The following MYH10 variants were observed in gnomAD, a reference collection of about 807,000 sequenced individuals.
The protein encoded by MYH10 is myosin heavy chain 10.
In MYH10, 55 loss-of-function variants were observed where a neutral mutation model predicts 257.8. The observed-to-expected ratio is 0.21, with a 90% CI of 0.17 to 0.27. The LOEUF is 0.27. Ranked by LOEUF, MYH10 falls within the 10% of genes least tolerant of loss-of-function variation. The pLI, the probability that MYH10 is intolerant of heterozygous loss-of-function variation, is 1.00. For missense variants in MYH10, 1,631 were observed against 2,500.6 expected (o/e 0.65, Z 7.42); for synonymous variants, 854 against 921.7 (o/e 0.93, Z 1.33).
intron 8 of MYH10, 94 bp downstream of exon 8, chr17:8,553,861 G>C: frequency 1.0e-6 from 1 of 982,222 alleles, no homozygotes; most frequent in South Asian, 1.4e-5. Flanking sequence ...TTATCATCTG[G>C]ATTTTGGGAG....
rs562174128 is a variant in MYH10 at position 8,515,533 on chromosome 17, C to CTTTTT, written c.2505-1644_2505-1640dup. Among the ~76,000 whole-genome samples, 28 of 86,896 alleles carry CTTTTT rather than the reference C, an allele frequency of 3.2e-4. 5 individuals carry two copies. The highest frequency in any genetic ancestry group is 4.7e-4 in the South Asian group (1 of 2,110). The allele number at this position is 86,896 out of a possible 152,430, so 57.0% of individuals were successfully genotyped here. A position where few individuals can be genotyped will look rare whatever the true frequency, so the allele number is the denominator to read the frequency against. ...ACCAGCCAAAAAGAATTAGCCAAGT[C>CTTTTT]TTTTTTTTTTTTTTTTTTTTTTTTT... is the stretch of plus-strand genomic sequence containing the variant. On this transcript the variant is annotated intron_variant, in intron 21 of 42. Coordinates refer to ENST00000360416, the MANE Select transcript of MYH10 (RefSeq NM_001256012.3).
At chr17:8,590,460 G>A (rs1326392148) in intron 3 of MYH10, among the ~76,000 whole-genome samples, 1 of 151,880 alleles carries the variant, frequency 6.6e-6, no homozygotes, top group Non-Finnish European at 1.5e-5. Context: ...CCACAGGCAG[G>A]TGCCACCATG....
chr17:8,579,295 T>G (rs2083614058), intron 4 of MYH10, among the ~76,000 whole-genome samples: 1 of 149,956 alleles, frequency 6.7e-6, no homozygotes. Flanking sequence ...AAAAAAAAAT[T>G]GTACTATTTG....
intron 20 of MYH10, 28 bp downstream of exon 20, chr17:8,518,853 A>C (rs1391673871): frequency 6.2e-7 from 1 of 1,602,308 alleles, no homozygotes; most frequent in African/African-American, 1.3e-5. Flanking sequence ...TAAATCTACA[A>C]GCCAGAAAAA....
intron 3 of MYH10, among the ~76,000 whole-genome samples, chr17:8,601,976 T>TA (rs2084621490): frequency 2.6e-5 from 1 of 38,664 alleles, no homozygotes; most frequent in African/African-American, 7.7e-5. Flanking sequence ...AGAAACAGAA[T>TA]CTTTTTTTTT....
intron 4 of MYH10, among the ~76,000 whole-genome samples, chr17:8,585,282 G>GTATATATATATATATATA (rs1312166648): frequency 1.5e-4 from 1 of 6,758 alleles, no homozygotes; most frequent in Non-Finnish European, 1.2e-3. Flanking sequence ...GTGCATGTGT[G>GTATATATATATATATATA]TGTGTGTATA....
intron 4 of MYH10, among the ~76,000 whole-genome samples, chr17:8,578,293 A>G (rs1597877779): frequency 7.4e-6 from 1 of 135,524 alleles, no homozygotes; most frequent in Non-Finnish European, 1.5e-5. Context: ...CCCAGGCTGG[A>G]GCACAGTGGC....
rs1193860927 is a variant in MYH10 at position 8,569,965 on chromosome 17, C to T, written c.664-153G>A. Among the ~76,000 whole-genome samples the T allele has an allele frequency of 6.6e-6, 1 of 152,118 alleles. No individual in the cohort carries two copies. Among genetic ancestry groups the T allele is most frequent in the Non-Finnish European group, 1.5e-5 (1 of 68,024 alleles). On this transcript the variant is annotated intron_variant, in intron 6 of 42. Transcript: ENST00000360416. This position sits in a 1 kb window ranked among gnomAD's most constrained non-coding sequence, Gnocchi z 4.1. ...GCCATCCAGCAACTTTTGTTGGCTT[C>T]TTAATCCTGGTTATGATAATGGACT...
chr17:8,574,458 T>C (rs376750418), intron 6 of MYH10, among the ~76,000 whole-genome samples: 1 of 152,194 alleles, frequency 6.6e-6, no homozygotes, highest in African/African-American at 2.4e-5. Context: ...ATGATAATAA[T>C]TGCATAAAGT....
At chr17:8,576,710 G>A (rs1218370922) in intron 5 of MYH10, 38 bp from the exon 6 acceptor site, 20 of 1,547,256 alleles carry the variant, frequency 1.3e-5, no homozygotes, top group African/African-American at 2.7e-5. Flanking sequence ...ATGTTAGCAA[G>A]TTTGAGTCTT....
Position 8,490,881 on chromosome 17 carries a change from A to G in MYH10, c.4672-329T>C, listed in dbSNP as rs975644797. On this transcript the variant is annotated intron_variant, in intron 34 of 42. Transcript: ENST00000360416. This position sits in a 1 kb window ranked among gnomAD's most constrained non-coding sequence, Gnocchi z 4.1. ...GCCATGTCAGGGAACCTGTCTGTTG[A>G]CTGACTCCTTGCCTGCTGTCTGTGA... Among the ~76,000 whole-genome samples, 1 of 152,194 alleles carries G rather than the reference A, an allele frequency of 6.6e-6. No homozygotes were observed. The highest frequency in any genetic ancestry group is 2.4e-5 in the African/African-American group (1 of 41,454).
intron 3 of MYH10, among the ~76,000 whole-genome samples, chr17:8,593,868 AAAAT>A (rs1289969269): frequency 6.6e-6 from 1 of 152,198 alleles, no homozygotes; most frequent in Non-Finnish European, 1.5e-5. Context: ...CAAAGGAACT[AAAAT>A]AAAGAATTTT....
At chr17:8,589,356 G>A (rs1019307579) in intron 3 of MYH10, among the ~76,000 whole-genome samples, 1 of 152,100 alleles carries the variant, frequency 6.6e-6, no homozygotes, top group South Asian at 2.1e-4. Context: ...CACATCGTTT[G>A]CCTGGATGAC....
rs139514519 is a variant in MYH10 at position 8,564,871 on chromosome 17, GAAT to G, written c.756+4846_756+4848del. ...GAAATAAACAGGATACTGTGATAGAGAATAATAGAAGAAATATCCTCAGATATG... is the reference window on the plus strand; with the variant it reads ...GAAATAAACAGGATACTGTGATAGAGAATAGAAGAAATATCCTCAGATATG... On this transcript the variant is annotated intron_variant, in intron 7 of 42. Coordinates refer to ENST00000360416, the MANE Select transcript of MYH10 (RefSeq NM_001256012.3). Among the ~76,000 whole-genome samples, 887 of 152,254 alleles carry G rather than the reference GAAT, an allele frequency of 5.8e-3. 8 individuals are homozygous for G. The highest frequency in any genetic ancestry group is 0.02 in the African/African-American group (846 of 41,532).
chr17:8,509,531 C>T (rs771788326), intron 25 of MYH10, among the ~76,000 whole-genome samples: 6 of 152,294 alleles, frequency 3.9e-5, no homozygotes, highest in Admixed American at 3.3e-4. Flanking sequence ...TTAATGCTTG[C>T]ACAGATGGAG....
rs140584290 is a variant in MYH10, at chr17:8,592,914, G to C, written c.503-3806C>G. ...AATGCTCAAAAATCCTTAACAAAAT[G>C]TTGGTAAATCAAATCCAGCTATATA... is the stretch of plus-strand genomic sequence containing the variant. On this transcript the variant is annotated intron_variant, in intron 3 of 42. Transcript: ENST00000360416. 7.7e-3 allele frequency among the ~76,000 whole-genome samples: 530 copies of C among 68,938 alleles called. 7 individuals carry two copies. Among genetic ancestry groups the C allele is most frequent in the Middle Eastern group, 0.028 (2 of 72 alleles). The allele number at this position is 68,938 out of a possible 152,430, so 45.2% of individuals were successfully genotyped here.
At chr17:8,586,201 C>T (rs1459192131) in intron 4 of MYH10, among the ~76,000 whole-genome samples, 2 of 152,214 alleles carry the variant, frequency 1.3e-5, no homozygotes, top group Non-Finnish European at 2.9e-5. Flanking sequence ...TTAAACTTCA[C>T]AGGACCCTTT....
chr17:8,490,336 C>G lies in MYH10; in HGVS notation c.4884+4G>C, dbSNP rs1339732153. ...TGTTGTGGAGGCCGCACCCTCTGCC[C>G]TACCTGTTTGATCAGCAGCCGCTTC... On this transcript the variant is annotated splice_donor_region_variant and intron_variant, in intron 35 of 42. Coordinates refer to ENST00000360416, the MANE Select transcript of MYH10 (RefSeq NM_001256012.3). The surrounding 1 kb of genome is among the most constrained non-coding windows in gnomAD (Gnocchi z 4.1). 1 of 1,613,162 alleles carries G rather than the reference C, an allele frequency of 6.2e-7. No individual in the cohort carries two copies. Among genetic ancestry groups the G allele is most frequent in the Non-Finnish European group, 8.5e-7 (1 of 1,180,002 alleles).
chr17:8,567,062 G>T (rs2083187248), intron 7 of MYH10, among the ~76,000 whole-genome samples: 1 of 152,176 alleles, frequency 6.6e-6, no homozygotes, highest in Non-Finnish European at 1.5e-5. Context: ...AGTCCTTGAA[G>T]ATCTTGATGG....
Sources: gnomAD v4.1 joint callset for allele counts (sites outside exome capture counted in the v4.1 genomes callset) on GRCh38, gnomAD v4.1.1 for gene constraint, Gnocchi (gnomAD v3.1) non-coding constraint, MANE v1.5 for transcripts, NCBI Gene and HGNC (gene_info 2026-07-23, HGNC 2026-07-21) for gene names.